Variants in KIAA1217 observed in about 807,000 individuals in gnomAD.
KIAA1217 encodes the protein sickle tail protein homolog.
A neutral mutation model predicts 163.9 loss-of-function variants in KIAA1217; 88 were observed. The ratio of observed to expected loss-of-function variants is 0.54; its 90% CI spans 0.45 to 0.64. The LOEUF (loss-of-function observed/expected upper bound fraction) is 0.64, where lower values mean the gene tolerates loss of function less well. Ranked by LOEUF, KIAA1217 falls within the 30% of genes least tolerant of loss-of-function variation. The pLI is 0.00. For missense variants in KIAA1217, 2,372 were observed against 2,475.0 expected, an observed-to-expected ratio of 0.96 and a Z score of 0.88; for synonymous variants, 903 against 923.1, an observed-to-expected ratio of 0.98 and a Z score of 0.39.
intron 1 of KIAA1217, among the ~76,000 whole-genome samples, chr10:23,772,867 C>T (rs1834856301): frequency 6.6e-6 from 1 of 152,150 alleles, no homozygotes; most frequent in Admixed American, 6.5e-5. Flanking sequence ...CGCTTCTCGG[C>T]CTTTTGGCTG....
chr10:24,337,133 G>GT (rs1378823023), intron 2 of KIAA1217, among the ~76,000 whole-genome samples: 1 of 152,146 alleles, frequency 6.6e-6, no homozygotes, highest in Non-Finnish European at 1.5e-5. Context: ...AACTCACACT[G>GT]TGAGATTAAA....
intron 1 of KIAA1217, among the ~76,000 whole-genome samples, chr10:23,940,038 A>G (rs1251952752): frequency 6.6e-6 from 1 of 151,868 alleles, no homozygotes; most frequent in Admixed American, 6.6e-5. Flanking sequence ...ATCACTAAGT[A>G]TAAGAGGTTT....
At chr10:23,867,105 AT>A (rs1452968769) in intron 1 of KIAA1217, among the ~76,000 whole-genome samples, 1 of 148,746 alleles carries the variant, frequency 6.7e-6, no homozygotes, top group Non-Finnish European at 1.5e-5. Context: ...TGGTGTTTGG[AT>A]TTTTTGTTCT....
intron 2 of KIAA1217, among the ~76,000 whole-genome samples, chr10:24,196,746 A>C (rs1049681181): frequency 2.6e-5 from 4 of 152,222 alleles, no homozygotes; most frequent in Non-Finnish European, 4.4e-5. Context: ...AGGAAGGTGA[A>C]GGTCCAGGCA....
In KIAA1217 at chr10:23,995,149, G is replaced by T. The variant is rs532896825; in HGVS notation, c.-320-12076G>T. Among the ~76,000 whole-genome samples, 59 of 152,212 alleles carry T rather than the reference G, an allele frequency of 3.9e-4. 1 individual carries two copies. The highest frequency in any genetic ancestry group is 3.8e-3 in the Admixed American group (58 of 15,284). On this transcript the variant is annotated intron_variant, in intron 1 of 18. Transcript: ENST00000376462. Reference sequence around the variant, plus strand: ...TAGCACTTGCCGTGTGCCAAGCATTGCCCTGGGAACTAGGAGTACAGGGGT... The same window carrying T: ...TAGCACTTGCCGTGTGCCAAGCATTTCCCTGGGAACTAGGAGTACAGGGGT...
chr10:23,934,590 TGTATATATATATATATGTATATATATA>T (rs1233328307), intron 1 of KIAA1217, among the ~76,000 whole-genome samples: 1 of 70,330 alleles, frequency 1.4e-5, no homozygotes, highest in Non-Finnish European at 2.3e-5. Context: ...TATATATATA[TGTATATATATATATATGTATATATATA>T]TATATATATT....
chr10:23,824,658 A>AAAAAT lies in KIAA1217; in HGVS notation c.-321+129425_-321+129426insAAATA, dbSNP rs1837805755. Reference sequence around the variant, plus strand: ...AAAAAAAAAAAAAAAAAATAAAAAAAATATATATATATATATATATATATG... The same window carrying AAAAAT: ...AAAAAAAAAAAAAAAAAATAAAAAAAAAAATATATATATATATATATATATATATG... On this transcript the variant is annotated intron_variant, in intron 1 of 18. Coordinates refer to the KIAA1217 transcript ENST00000376462. Among the ~76,000 whole-genome samples the AAAAAT allele has an allele frequency of 8.1e-4, 43 of 53,044 alleles. 4 individuals are homozygous for AAAAAT. Among genetic ancestry groups the AAAAAT allele is most frequent in the Admixed American group, 2.7e-3 (9 of 3,362 alleles). 34.8% of individuals were successfully genotyped at this position (53,044 alleles called of 152,430 possible). A position where few individuals can be genotyped will look rare whatever the true frequency, so the allele number is the denominator to read the frequency against.
intron 2 of KIAA1217, among the ~76,000 whole-genome samples, chr10:24,183,308 C>G (rs182573973): frequency 6.6e-6 from 1 of 152,290 alleles, no homozygotes; most frequent in Admixed American, 6.5e-5. Flanking sequence ...GATGAAGACA[C>G]ATTTCATAGA....
At chr10:24,539,907 T>C (rs2074751437) in intron 17 of KIAA1217, among the ~76,000 whole-genome samples, 1 of 152,236 alleles carries the variant, frequency 6.6e-6, no homozygotes, top group Non-Finnish European at 1.5e-5. Context: ...TTTTGGTTTA[T>C]TGTCCATATG....
chr10:24,003,491 AG>A (rs1846848076), intron 1 of KIAA1217, among the ~76,000 whole-genome samples: 1 of 152,132 alleles, frequency 6.6e-6, no homozygotes, highest in South Asian at 2.1e-4. Flanking sequence ...TCCTTCAAAT[AG>A]TATTTCTTTA....
chr10:24,170,482 G>A (rs2065574923), intron 2 of KIAA1217, among the ~76,000 whole-genome samples: 1 of 152,136 alleles, frequency 6.6e-6, no homozygotes, highest in African/African-American at 2.4e-5. Context: ...TTGAGTCAGT[G>A]GGTTTCACAG....
At chr10:23,715,409 G>A (rs538357948) in intron 1 of KIAA1217, among the ~76,000 whole-genome samples, 44 of 152,220 alleles carry the variant, frequency 2.9e-4, no homozygotes, top group African/African-American at 1.0e-3. Context: ...CCAGTTATGC[G>A]TATTAGATCA....
chr10:24,347,827 G>A (rs1382332412), intron 2 of KIAA1217, among the ~76,000 whole-genome samples: 1 of 152,108 alleles, frequency 6.6e-6, no homozygotes, highest in East Asian at 1.9e-4. Context: ...TATTTAAGGT[G>A]TATGACCTGA....
At chr10:24,203,092 A>G (rs2067352256) in intron 2 of KIAA1217, among the ~76,000 whole-genome samples, 1 of 151,292 alleles carries the variant, frequency 6.6e-6, no homozygotes, top group Non-Finnish European at 1.5e-5. Context: ...TGGGAGGCTG[A>G]GGGTAGAGGA....
At chr10:24,454,581 A>T (rs895757056) in intron 5 of KIAA1217, among the ~76,000 whole-genome samples, 1 of 152,178 alleles carries the variant, frequency 6.6e-6, no homozygotes, top group African/African-American at 2.4e-5. Flanking sequence ...TTAAACTTCC[A>T]TGCATGATTT....
At chr10:24,457,003 A>G (rs948380892) in intron 5 of KIAA1217, among the ~76,000 whole-genome samples, 7 of 151,450 alleles carry the variant, frequency 4.6e-5, no homozygotes, top group African/African-American at 1.7e-4. Flanking sequence ...TGCCCGGCCA[A>G]TTAAACCCTT....
chr10:24,542,643 T>C (rs1314615943), intron 17 of KIAA1217, 50 bp from the exon 18 acceptor site: 5 of 1,598,886 alleles, frequency 3.1e-6, no homozygotes, highest in African/African-American at 1.3e-5. Flanking sequence ...GTCCACTTTT[T>C]TGGGGGGATG....
intron 1 of KIAA1217, among the ~76,000 whole-genome samples, chr10:23,908,948 A>G (rs1192648102): frequency 1.3e-5 from 2 of 152,174 alleles, no homozygotes; most frequent in Non-Finnish European, 2.9e-5. Context: ...AAAAATGTGG[A>G]AACAACCCAA....
At chr10:24,520,346 AG>A (rs751611917) in intron 11 of KIAA1217, 93 bp downstream of exon 11, 756 of 1,515,640 alleles carry the variant, frequency 5.0e-4, no homozygotes, top group Non-Finnish European at 6.4e-4. Flanking sequence ...CATGTATGCA[AG>A]TATTTATTAA....
Sources: gnomAD v4.1 joint callset for allele counts (sites outside exome capture counted in the v4.1 genomes callset) on GRCh38, gnomAD v4.1.1 for gene constraint, MANE v1.5 for transcripts, NCBI Gene and HGNC (gene_info 2026-07-23, HGNC 2026-07-21) for gene names.